The following CSMD1 variants were observed in gnomAD, a reference collection of about 807,000 sequenced individuals.
The protein encoded by CSMD1 is CUB and sushi domain-containing protein 1.
A neutral mutation model predicts 417.5 loss-of-function variants in CSMD1; 213 were observed. The observed-to-expected ratio is 0.51, with a 90% confidence interval of 0.46 to 0.57. CSMD1 has a LOEUF of 0.57. Ranked by LOEUF, CSMD1 falls within the 20% of genes least tolerant of loss-of-function variation. CSMD1 has a pLI of 0.00. For missense variants in CSMD1, 6,923 were observed against 4,529.7 expected, an observed-to-expected ratio of 1.53 and a Z score of -15.17; for synonymous variants, 2,862 against 1,736.8, an observed-to-expected ratio of 1.65 and a Z score of -16.11.
At chr8:3,752,622 C>T (rs922228780) in intron 6 of CSMD1, among the ~76,000 whole-genome samples, 1 of 147,084 alleles carries the variant, frequency 6.8e-6, no homozygotes, top group Non-Finnish European at 1.5e-5. Context: ...CCACTGCACT[C>T]CAGCCCAGAC....
chr8:3,800,009 G>T (rs550823829), intron 5 of CSMD1, among the ~76,000 whole-genome samples: 1 of 152,256 alleles, frequency 6.6e-6, no homozygotes, highest in South Asian at 2.1e-4. Context: ...GTGTAACCTT[G>T]TAAAATCACT....
chr8:3,417,834 T>A (rs1416328487), intron 12 of CSMD1, among the ~76,000 whole-genome samples: 1 of 152,196 alleles, frequency 6.6e-6, no homozygotes, highest in Non-Finnish European at 1.5e-5. Context: ...GACCCTGTTT[T>A]TTGGAGACAG....
intron 5 of CSMD1, among the ~76,000 whole-genome samples, chr8:3,815,912 A>G (rs1801343611): frequency 6.6e-6 from 1 of 152,230 alleles, no homozygotes; most frequent in Admixed American, 6.5e-5. Flanking sequence ...GTAAATAGAA[A>G]GAGGAAAAAG....
At chr8:3,937,277 A>C (rs1810561283) in intron 5 of CSMD1, among the ~76,000 whole-genome samples, 2 of 152,058 alleles carry the variant, frequency 1.3e-5, no homozygotes, top group African/African-American at 4.8e-5. Context: ...AGACTGACTG[A>C]ATTTTGAAAG....
intron 1 of CSMD1, among the ~76,000 whole-genome samples, chr8:4,835,351 A>G (rs1337440599): frequency 6.6e-6 from 1 of 152,218 alleles, no homozygotes; most frequent in East Asian, 1.9e-4. Context: ...AAGAGGTAAT[A>G]TTCCAGAAAG....
rs1490210772 is a variant in CSMD1, at chr8:3,097,029, G to A, written c.6958C>T (p.Pro2320Ser). The A allele has an allele frequency of 3.9e-6, 6 of 1,542,394 alleles. No homozygotes were observed. Among genetic ancestry groups the A allele is most frequent in the Non-Finnish European group, 5.2e-6 (6 of 1,143,530 alleles). ...GATCCAGTCCGGACTTCATTTGCTG[G>A]GCATTGTGCTGGAGAGAAAAGTACC... ...GSLPTCEAQC[P>S]ANEVRTGSSG... is the part of the protein sequence containing the mutation. Residue 2320 changes from proline to serine, a missense_variant, in exon 47 of 70, where the codon CCA becomes TCA. Coordinates refer to ENST00000635120, the MANE Select transcript of CSMD1 (RefSeq NM_033225.6).
chr8:4,257,054 C>T (rs1449693564), intron 3 of CSMD1, among the ~76,000 whole-genome samples: 1 of 152,156 alleles, frequency 6.6e-6, no homozygotes, highest in Non-Finnish European at 1.5e-5. Flanking sequence ...CCTGTGTCAT[C>T]ATTTTAAAAT....
intron 1 of CSMD1, among the ~76,000 whole-genome samples, chr8:4,818,509 C>T (rs1364182231): frequency 1.3e-5 from 2 of 152,216 alleles, no homozygotes; most frequent in East Asian, 3.9e-4. Context: ...ACATTAAATA[C>T]ATACGTATTA....
chr8:3,311,454 T>C (rs1282227620), intron 23 of CSMD1, among the ~76,000 whole-genome samples: 1 of 148,572 alleles, frequency 6.7e-6, no homozygotes, highest in African/African-American at 2.6e-5. Context: ...TTCACCACGT[T>C]GTCTAGGCTT....
At chr8:3,679,289 C>A (rs1346125077) in intron 7 of CSMD1, among the ~76,000 whole-genome samples, 1 of 152,082 alleles carries the variant, frequency 6.6e-6, no homozygotes, top group Admixed American at 6.6e-5. Flanking sequence ...TCAGGAAACC[C>A]ATCTCATGTG....
chr8:3,838,009 C>G (rs1253898442), intron 5 of CSMD1, among the ~76,000 whole-genome samples: 2 of 152,008 alleles, frequency 1.3e-5, no homozygotes, highest in Non-Finnish European at 2.9e-5. Context: ...GATGCCCTCC[C>G]CAACTAATTA....
intron 26 of CSMD1, among the ~76,000 whole-genome samples, chr8:3,272,839 A>T (rs79180039): frequency 0.26 from 38,606 of 147,110 alleles, 5,303 homozygotes; most frequent in African/African-American, 0.32. Flanking sequence ...GGGCTGAGAC[A>T]GTGGGGTTTT....
At chr8:4,453,414 A>G (rs73660853) in intron 2 of CSMD1, among the ~76,000 whole-genome samples, 18,250 of 152,212 alleles carry the variant, frequency 0.12, 1,220 homozygotes, top group South Asian at 0.22. Context: ...GATTCCCAGA[A>G]GACACTGGAC....
chr8:4,489,986 G>C (rs151174641), intron 2 of CSMD1, among the ~76,000 whole-genome samples: 49 of 151,200 alleles, frequency 3.2e-4, no homozygotes, highest in Non-Finnish European at 6.2e-4. Flanking sequence ...AATTGCCTTT[G>C]CCACAAAATT....
chr8:4,270,064 G>T (rs1585130994), intron 3 of CSMD1, among the ~76,000 whole-genome samples: 1 of 152,162 alleles, frequency 6.6e-6, no homozygotes, highest in Admixed American at 6.6e-5. Context: ...ATATTGAAAA[G>T]CTTCTGAGGA....
Position 3,917,449 on chromosome 8 carries a change from G to C in CSMD1, c.818+80454C>G, listed in dbSNP as rs1004844669. On this transcript the variant is annotated intron_variant, in intron 5 of 69. Coordinates refer to ENST00000635120, the MANE Select transcript of CSMD1 (RefSeq NM_033225.6). ...CACACACACACACACACGCTCATGC[G>C]CGCACAAATATGTTTCCTGCTACTA... 2.6e-5 allele frequency among the ~76,000 whole-genome samples: 4 copies of C among 151,504 alleles called. No individual in the cohort carries two copies. In the East Asian group the frequency reaches 7.8e-4, roughly 29 times the overall value.
At chr8:4,387,819 A>G (rs1036641777) in intron 3 of CSMD1, among the ~76,000 whole-genome samples, 5 of 152,166 alleles carry the variant, frequency 3.3e-5, no homozygotes, top group Non-Finnish European at 5.9e-5. Context: ...CAAACCGTGT[A>G]GGTTTCTTTT....
At chr8:4,569,090 A>C (rs1798758995) in intron 2 of CSMD1, among the ~76,000 whole-genome samples, 1 of 151,850 alleles carries the variant, frequency 6.6e-6, no homozygotes. Context: ...TTCACTGTTC[A>C]CTGTGATGAT....
chr8:3,084,613 C>A (rs1034538646), intron 49 of CSMD1, among the ~76,000 whole-genome samples: 2 of 150,978 alleles, frequency 1.3e-5, no homozygotes, highest in Admixed American at 6.6e-5. Context: ...CTCTTTGTTG[C>A]ACACTACAAA....
Sources: allele counts gnomAD v4.1 joint callset (sites outside exome capture counted in the v4.1 genomes callset), GRCh38; gene constraint gnomAD v4.1.1; transcripts MANE v1.5; gene names NCBI Gene and HGNC (gene_info 2026-07-23, HGNC 2026-07-21).